AGMO: variants seen among roughly 807,000 people sequenced by gnomAD.
AGMO encodes the protein alkylglycerol monooxygenase, also known as glyceryl-ether monooxygenase.
AGMO carries 75 observed loss-of-function variants against 60.2 expected under a neutral mutation model. The observed-to-expected ratio is 1.25, with a 90% confidence interval of 1.03 to 1.51. AGMO has a LOEUF of 1.51. Ranked by LOEUF, AGMO falls within the 40% of genes most tolerant of loss-of-function variation. AGMO has a pLI of 0.00. For missense variants in AGMO, 763 were observed against 525.5 expected, an observed-to-expected ratio of 1.45 and a Z score of -4.42; for synonymous variants, 261 against 177.1, an observed-to-expected ratio of 1.47 and a Z score of -3.76.
At chr7:15,454,718 T>TATGA (rs1781953751) in intron 3 of AGMO, among the ~76,000 whole-genome samples, 1 of 152,150 alleles carries the variant, frequency 6.6e-6, no homozygotes, top group African/African-American at 2.4e-5. Context: ...TAATTATATA[T>TATGA]ATGATCACCA....
chr7:15,256,510 G>T (rs1783103839), intron 12 of AGMO, among the ~76,000 whole-genome samples: 1 of 151,880 alleles, frequency 6.6e-6, no homozygotes, highest in Non-Finnish European at 1.5e-5. Flanking sequence ...GCCTGGTGTC[G>T]TGTGACGTGT....
chr7:15,166,863 G>T, the AGMO span, among the ~76,000 whole-genome samples: 1 of 152,186 alleles, frequency 6.6e-6, no homozygotes, highest in African/African-American at 2.4e-5. Context: ...CTGAGATAGA[G>T]AAGTCTTTGG....
intron 12 of AGMO, among the ~76,000 whole-genome samples, chr7:15,359,460 T>A (rs929861813): frequency 6.6e-6 from 1 of 152,184 alleles, no homozygotes; most frequent in African/African-American, 2.4e-5. Context: ...TTACATTTTT[T>A]AAAATGAAAT....
At position 15,394,199 on chromosome 7, in the gene AGMO, T is replaced by C. The variant is rs751535736; in HGVS notation, c.610-20A>G. ...GATGACCTGTTTAAAACAGAAGGAA[T>C]ATTTATACATGTAGTTATCATTAAA... is the stretch of plus-strand genomic sequence containing the variant. On this transcript the variant is annotated intron_variant, in intron 5 of 12. Coordinates refer to ENST00000342526, the MANE Select transcript of AGMO (RefSeq NM_001004320.2). 6.7e-7 allele frequency: 1 copy of C among 1,502,828 alleles called. No homozygotes were observed. Among genetic ancestry groups the C allele is most frequent in the Non-Finnish European group, 9.3e-7 (1 of 1,080,678 alleles). 93.1% of individuals were successfully genotyped at this position (1,502,828 alleles called of 1,614,324 possible). A position where few individuals can be genotyped will look rare whatever the true frequency, so the allele number is the denominator to read the frequency against.
At chr7:15,197,867 G>A (rs1193289108), downstream of AGMO, among the ~76,000 whole-genome samples, 1 of 152,114 alleles carries the variant, frequency 6.6e-6, no homozygotes, top group Non-Finnish European at 1.5e-5. Flanking sequence ...TCGTGGAATG[G>A]GGAAACATCA....
intron 3 of AGMO, among the ~76,000 whole-genome samples, chr7:15,503,694 G>A (rs181314943): frequency 6.6e-5 from 10 of 151,818 alleles, no homozygotes; most frequent in Non-Finnish European, 1.0e-4. Context: ...CAAGAATGGC[G>A]TAACACAAAT....
the AGMO span, among the ~76,000 whole-genome samples, chr7:15,194,430 A>G: frequency 6.6e-6 from 1 of 152,172 alleles, no homozygotes; most frequent in South Asian, 2.1e-4. Flanking sequence ...TTTAATCTGA[A>G]TAATGATGCA....
chr7:15,396,389 T>C (rs1321026899), intron 5 of AGMO: 1 of 152,244 alleles, frequency 6.6e-6, no homozygotes, highest in African/African-American at 2.4e-5. Context: ...TTCGTAAAAG[T>C]GACTCGTCCT....
At chr7:15,391,706 G>C (rs1784146155) in intron 6 of AGMO, among the ~76,000 whole-genome samples, 1 of 152,158 alleles carries the variant, frequency 6.6e-6, no homozygotes, top group African/African-American at 2.4e-5. Flanking sequence ...GAGAGAGATT[G>C]GCTGAACAGA....
At chr7:15,451,002 A>C (rs1231847740) in intron 3 of AGMO, among the ~76,000 whole-genome samples, 2 of 152,172 alleles carry the variant, frequency 1.3e-5, no homozygotes, top group African/African-American at 2.4e-5. Flanking sequence ...ATTGTTTTAT[A>C]TCTGTGAATA....
At chr7:15,318,228 T>C (rs1781000078) in intron 12 of AGMO, among the ~76,000 whole-genome samples, 1 of 151,800 alleles carries the variant, frequency 6.6e-6, no homozygotes, top group South Asian at 2.1e-4. Flanking sequence ...TGGTCTCGAA[T>C]CCTGATCTCA....
At chr7:15,177,955 C>T in the AGMO span, among the ~76,000 whole-genome samples, 20,548 of 152,050 alleles carry the variant, frequency 0.14, 1,943 homozygotes, top group East Asian at 0.47. Flanking sequence ...AAATTAAAAT[C>T]GATTTTCATT....
intron 3 of AGMO, among the ~76,000 whole-genome samples, 160 bp downstream of exon 3, chr7:15,544,612 A>T (rs1784723240): frequency 4.6e-5 from 7 of 152,180 alleles, no homozygotes; most frequent in Admixed American, 3.9e-4. Context: ...GATTTTCTCC[A>T]CTTAAATTGC....
At chr7:15,328,400 T>C (rs961496755) in intron 12 of AGMO, among the ~76,000 whole-genome samples, 13 of 152,166 alleles carry the variant, frequency 8.5e-5, no homozygotes, top group Non-Finnish European at 1.5e-4. Flanking sequence ...CCCAGCCTGA[T>C]TTCTTAAACA....
At chr7:15,152,100 A>G in the AGMO span, among the ~76,000 whole-genome samples, 2 of 152,168 alleles carry the variant, frequency 1.3e-5, no homozygotes, top group Non-Finnish European at 2.9e-5. Flanking sequence ...TAAGATAGTT[A>G]AATCTTCTTT....
At chr7:15,130,154 T>G in the AGMO span, among the ~76,000 whole-genome samples, 1 of 152,108 alleles carries the variant, frequency 6.6e-6, no homozygotes, top group Non-Finnish European at 1.5e-5. Context: ...TAAAATATAT[T>G]TAAAATTGCT....
intron 12 of AGMO, among the ~76,000 whole-genome samples, chr7:15,229,713 TTA>T (rs1462244409): frequency 1.6e-5 from 2 of 124,694 alleles, no homozygotes; most frequent in Non-Finnish European, 3.1e-5. Context: ...TATATATATA[TTA>T]TATTATATAT....
chr7:15,463,725 T>C (rs1782205919), intron 3 of AGMO, among the ~76,000 whole-genome samples: 1 of 152,136 alleles, frequency 6.6e-6, no homozygotes, highest in South Asian at 2.1e-4. Context: ...TGGAAAGAGA[T>C]AGAACAGTAG....
chr7:15,357,190 C>T (rs1029651248), intron 12 of AGMO, among the ~76,000 whole-genome samples: 4 of 144,362 alleles, frequency 2.8e-5, no homozygotes, highest in African/African-American at 7.7e-5. Flanking sequence ...TATGAATATT[C>T]GTGTGTGTGT....
Sources: allele counts gnomAD v4.1 joint callset (sites outside exome capture counted in the v4.1 genomes callset), GRCh38; gene constraint gnomAD v4.1.1; transcripts MANE v1.5; gene names NCBI Gene and HGNC (gene_info 2026-07-23, HGNC 2026-07-21).